The following DPY30 variants were observed in gnomAD, a reference collection of about 807,000 sequenced individuals.
The protein encoded by DPY30 is protein dpy-30 homolog.
Under a neutral mutation model 16.2 loss-of-function variants are expected in DPY30, and 6 were observed. The ratio of observed to expected loss-of-function variants is 0.37; its 90% CI spans 0.20 to 0.73. The LOEUF (loss-of-function observed/expected upper bound fraction) is 0.73. Ranked by LOEUF, DPY30 falls within the 30% of genes least tolerant of loss-of-function variation. The pLI, the probability that DPY30 is intolerant of heterozygous loss-of-function variation, is 0.51. For missense variants in DPY30, 73 were observed against 113.1 expected (o/e 0.65, Z 1.61); for synonymous variants, 39 against 38.8 (o/e 1.00, Z -0.02).
intron 3 of DPY30, among the ~76,000 whole-genome samples, chr2:32,037,331 G>T (rs374741091): frequency 4.6e-5 from 7 of 151,980 alleles, no homozygotes; most frequent in Admixed American, 2.0e-4. Flanking sequence ...TTGAGACAAG[G>T]TCTCCCTGTC....
chr2:32,033,814 G>C (rs977698478), intron 3 of DPY30, among the ~76,000 whole-genome samples: 10 of 152,212 alleles, frequency 6.6e-5, no homozygotes, highest in African/African-American at 1.9e-4. Flanking sequence ...AATTTCACTT[G>C]TCAAAATCTT....
downstream of DPY30, chr2:32,020,811 G>C (rs1323728164): frequency 6.6e-6 from 1 of 152,040 alleles, no homozygotes; most frequent in African/African-American, 2.4e-5. Context: ...AAATACTCAA[G>C]TAAGTATTAT....
chr2:32,025,238 G>T (rs931182445), intron 4 of DPY30, among the ~76,000 whole-genome samples: 1 of 152,180 alleles, frequency 6.6e-6, no homozygotes, highest in Non-Finnish European at 1.5e-5. Context: ...GCCGAGGCGG[G>T]TGGATCATGA....
chr2:32,017,329 A>G (rs1675084519), intron 5 of DPY30, among the ~76,000 whole-genome samples: 1 of 151,274 alleles, frequency 6.6e-6, no homozygotes, highest in African/African-American at 2.4e-5. Flanking sequence ...TCTTTAAGAA[A>G]CTCTCAGCTG....
chr2:32,028,633 A>G (rs1572997444), intron 4 of DPY30, among the ~76,000 whole-genome samples: 1 of 151,870 alleles, frequency 6.6e-6, no homozygotes, highest in African/African-American at 2.4e-5. Flanking sequence ...AAACCCCATC[A>G]CTACTAAAAA....
chr2:32,025,803 A>G (rs953952123), intron 4 of DPY30, among the ~76,000 whole-genome samples: 4 of 149,222 alleles, frequency 2.7e-5, no homozygotes, highest in South Asian at 2.1e-4. Context: ...GCCGGGGGGA[A>G]AAAAAAAACA....
chr2:32,039,376 T>A (rs775637366), intron 2 of DPY30, 45 bp downstream of exon 2: 1 of 1,614,010 alleles, frequency 6.2e-7, no homozygotes, highest in African/African-American at 1.3e-5. Context: ...CCTTTCTCGC[T>A]GCCTCCCTGC....
downstream of DPY30, among the ~76,000 whole-genome samples, chr2:32,021,945 C>G (rs1675191927): frequency 6.6e-6 from 1 of 151,624 alleles, no homozygotes; most frequent in Admixed American, 6.6e-5. Context: ...CGTGGTGGCT[C>G]ACACCCATAA....
chr2:32,013,809 A>C (rs1675013085), intron 5 of DPY30, among the ~76,000 whole-genome samples: 1 of 152,144 alleles, frequency 6.6e-6, no homozygotes, highest in Admixed American at 6.6e-5. Context: ...AGAGTTTGAG[A>C]CCAGCCTGGC....
At chr2:32,033,354 T>C (rs947765357) in intron 3 of DPY30, among the ~76,000 whole-genome samples, 3 of 151,154 alleles carry the variant, frequency 2.0e-5, no homozygotes, top group African/African-American at 4.9e-5. Context: ...GACATTACAA[T>C]GCCTACAATA....
intron 3 of DPY30, 31 bp from the exon 4 acceptor site, chr2:32,029,767 A>C (rs1175680897): frequency 6.2e-7 from 1 of 1,610,188 alleles, no homozygotes; most frequent in Non-Finnish European, 8.5e-7. Context: ...GTGCATGAAC[A>C]TTTCAAATAA....
intron 3 of DPY30, among the ~76,000 whole-genome samples, chr2:32,033,231 C>T (rs188814244): frequency 6.0e-4 from 91 of 151,904 alleles, no homozygotes; most frequent in Non-Finnish European, 1.1e-3. Flanking sequence ...TTAATTGAAC[C>T]TGGGAGATGG....
intron 4 of DPY30, 57 bp from the exon 5 acceptor site, chr2:32,024,313 A>T: frequency 7.9e-7 from 1 of 1,258,622 alleles, no homozygotes; most frequent in Non-Finnish European, 1.1e-6. Context: ...GTGTTAATTT[A>T]AACATATTGT....
chr2:32,020,573 A>G (rs1439069578), downstream of DPY30, among the ~76,000 whole-genome samples: 1 of 152,082 alleles, frequency 6.6e-6, no homozygotes, highest in African/African-American at 2.4e-5. Flanking sequence ...GGTGAGGAAT[A>G]TGTTTATGGC....
At chr2:32,030,369 G>A (rs1276490578) in intron 3 of DPY30, among the ~76,000 whole-genome samples, 1 of 152,028 alleles carries the variant, frequency 6.6e-6, no homozygotes, top group East Asian at 1.9e-4. Context: ...AGGGGCTCAC[G>A]CCTGTAATCC....
chr2:32,012,639 T>C (rs1393842249), intron 5 of DPY30, among the ~76,000 whole-genome samples: 1 of 152,022 alleles, frequency 6.6e-6, no homozygotes, highest in Admixed American at 6.6e-5. Flanking sequence ...GGTTTCACCA[T>C]GTTGGCCAGG....
intron 3 of DPY30, among the ~76,000 whole-genome samples, chr2:32,032,598 A>C (rs966663253): frequency 1.3e-5 from 2 of 152,178 alleles, no homozygotes; most frequent in East Asian, 3.8e-4. Flanking sequence ...AGTGGCTCAC[A>C]TCTGTAATCC....
At chr2:32,016,234 A>G (rs1441578916) in intron 5 of DPY30, among the ~76,000 whole-genome samples, 1 of 152,110 alleles carries the variant, frequency 6.6e-6, no homozygotes, top group Non-Finnish European at 1.5e-5. Flanking sequence ...ACAATTACTC[A>G]TTACCAACTA....
chr2:32,022,027 T>C (rs1367064722), downstream of DPY30, among the ~76,000 whole-genome samples: 1 of 151,978 alleles, frequency 6.6e-6, no homozygotes, highest in Non-Finnish European at 1.5e-5. Flanking sequence ...CTGGCCACCA[T>C]AGTGAAACCC....
Sources: allele counts gnomAD v4.1 joint callset (sites outside exome capture counted in the v4.1 genomes callset), GRCh38; gene constraint gnomAD v4.1.1; transcripts MANE v1.5; gene names NCBI Gene and HGNC (gene_info 2026-07-23, HGNC 2026-07-21).